The following MCTP2 variants were observed in gnomAD, a reference collection of about 807,000 sequenced individuals.
MCTP2 encodes multiple C2 and transmembrane domain containing 2.
Under a neutral mutation model 111.6 loss-of-function variants are expected in MCTP2, and 132 were observed. The ratio of observed to expected loss-of-function variants is 1.18; its 90% CI spans 1.03 to 1.37. The LOEUF (loss-of-function observed/expected upper bound fraction) is 1.37. Ranked by LOEUF, MCTP2 falls within the 40% of genes most tolerant of loss-of-function variation. The probability of loss-of-function intolerance (pLI) is 0.00; values close to 1 mark genes in which losing one functional copy is unlikely to be tolerated. For missense variants in MCTP2, 1,183 were observed against 1,067.9 expected (o/e 1.11, Z -1.50); for synonymous variants, 395 against 387.7 (o/e 1.02, Z -0.22).
chr15:94,419,117 A>G (rs1219710064), intron 17 of MCTP2, among the ~76,000 whole-genome samples: 1 of 152,162 alleles, frequency 6.6e-6, no homozygotes, highest in Non-Finnish European at 1.5e-5. Context: ...CGAGAAACAT[A>G]TAATCGAGAT....
intron 19 of MCTP2, among the ~76,000 whole-genome samples, chr15:94,452,670 T>A (rs1410991065): frequency 6.6e-6 from 1 of 152,218 alleles, no homozygotes; most frequent in African/African-American, 2.4e-5. Context: ...CCGGGTCTTA[T>A]CTGTTGATCC....
In MCTP2 at chr15:94,359,046, A is replaced by G. The variant is rs185011139; in HGVS notation, c.1301+434A>G. Among the ~76,000 whole-genome samples, 173 of 152,306 alleles carry G rather than the reference A, an allele frequency of 1.1e-3. 1 individual carries two copies. The highest frequency in any genetic ancestry group is 3.7e-3 in the African/African-American group (153 of 41,558). ...CACCAAGGAATGGAGTTTGAGGCCAAATCTATTTTATTTTATTTCTTTACT... is the reference window on the plus strand; with the variant it reads ...CACCAAGGAATGGAGTTTGAGGCCAGATCTATTTTATTTTATTTCTTTACT... On this transcript the variant is annotated intron_variant, in intron 10 of 22. Transcript: ENST00000357742.
At chr15:94,247,462 T>C in intron 1 of MCTP2, among the ~76,000 whole-genome samples, 1 of 152,134 alleles carries the variant, frequency 6.6e-6, no homozygotes, top group East Asian at 1.9e-4. Flanking sequence ...TGGTTGATAG[T>C]GTCTGAGATC....
At position 94,390,049 on chromosome 15, in the gene MCTP2, CATATATATATATATATATATATAT is replaced by C. The variant is rs1169783409; in HGVS notation, c.1788+4541_1788+4564del. On this transcript the variant is annotated intron_variant, in intron 14 of 22. Coordinates refer to ENST00000357742, the MANE Select transcript of MCTP2 (RefSeq NM_001385001.1). ...CATTATTGATGGTGAATGTTCAAGGCATATATATATATATATATATATATATATATATATATATATGTATATATA... is the reference window on the plus strand; with the variant it reads ...CATTATTGATGGTGAATGTTCAAGGCATATATATATATATATGTATATATA... Among the ~76,000 whole-genome samples the C allele has an allele frequency of 1.3e-3, 146 of 109,660 alleles. 3 individuals carry two copies. Among genetic ancestry groups the C allele is most frequent in the African/African-American group, 5.8e-3 (138 of 23,906 alleles). 71.9% of individuals were successfully genotyped at this position (109,660 alleles called of 152,430 possible).
chr15:94,247,564 C>T (rs2072105255), intron 1 of MCTP2, among the ~76,000 whole-genome samples: 1 of 151,874 alleles, frequency 6.6e-6, no homozygotes, highest in African/African-American at 2.4e-5. Context: ...AGGAGTGGGT[C>T]ATTTCATTAC....
chr15:94,438,850 G>T (rs2152508553), intron 17 of MCTP2, among the ~76,000 whole-genome samples: 1 of 152,154 alleles, frequency 6.6e-6, no homozygotes, highest in Admixed American at 6.5e-5. Flanking sequence ...TATCACTCTA[G>T]AAGTATTTTC....
At chr15:94,422,559 C>T (rs1001404746) in intron 17 of MCTP2, among the ~76,000 whole-genome samples, 26 of 152,138 alleles carry the variant, frequency 1.7e-4, no homozygotes, top group African/African-American at 6.3e-4. Flanking sequence ...CCCTTGCCCA[C>T]TTCCATAATT....
At position 94,314,360 on chromosome 15, in the gene MCTP2, TA is replaced by T. The variant is rs753520419; in HGVS notation, c.528+21del. On this transcript the variant is annotated intron_variant, in intron 3 of 22. Coordinates refer to ENST00000357742, the MANE Select transcript of MCTP2 (RefSeq NM_001385001.1). The stretch of plus-strand genomic sequence containing the variant: ...AGAACAATCTGTGAGTGGCATTCCT[TA>T]AAAAGAAACATTAAATGTTGTAGAT... 3.9e-5 allele frequency: 62 copies of T among 1,572,856 alleles called. No individual in the cohort carries two copies. The South Asian group carries it at 6.2e-4, about 16-fold the overall frequency.
At chr15:94,447,133 C>G (rs1227205125) in intron 19 of MCTP2, among the ~76,000 whole-genome samples, 1 of 152,166 alleles carries the variant, frequency 6.6e-6, no homozygotes, top group African/African-American at 2.4e-5. Context: ...CCTCATTACC[C>G]AGACAGGGCC....
intron 2 of MCTP2, among the ~76,000 whole-genome samples, chr15:94,299,367 T>C (rs981646532): frequency 2.0e-5 from 3 of 152,140 alleles, no homozygotes. Flanking sequence ...GTCATACCTG[T>C]AGAAAAACCA....
intron 11 of MCTP2, among the ~76,000 whole-genome samples, chr15:94,368,975 G>C (rs1255638806): frequency 2.0e-5 from 3 of 152,230 alleles, no homozygotes; most frequent in Non-Finnish European, 4.4e-5. Flanking sequence ...CAGCACATTA[G>C]AGGGAACGAA....
chr15:94,475,116 T>C (rs2074249458), intron 21 of MCTP2, among the ~76,000 whole-genome samples: 1 of 152,234 alleles, frequency 6.6e-6, no homozygotes, highest in Non-Finnish European at 1.5e-5. Context: ...CTTGTCTGTT[T>C]TCTTTTGCCA....
chr15:94,256,221 A>G (rs1441039036), intron 1 of MCTP2, among the ~76,000 whole-genome samples: 2 of 152,172 alleles, frequency 1.3e-5, no homozygotes, highest in African/African-American at 4.8e-5. Context: ...ATTGTATAAA[A>G]TTACCTTTAG....
chr15:94,258,151 C>T (rs369464946), intron 1 of MCTP2, among the ~76,000 whole-genome samples: 2 of 150,446 alleles, frequency 1.3e-5, no homozygotes, highest in African/African-American at 4.9e-5. Flanking sequence ...GCTGGGATTA[C>T]AGGTGTGAGC....
chr15:94,232,402 G>A (rs1478622706), intron 1 of MCTP2, among the ~76,000 whole-genome samples: 4 of 152,148 alleles, frequency 2.6e-5, no homozygotes, highest in African/African-American at 4.8e-5. Flanking sequence ...GAAGGTACAA[G>A]GGTGCGAACC....
chr15:94,243,158 T>C lies in MCTP2; in HGVS notation c.-66+11494T>C, dbSNP rs554753998. On this transcript the variant is annotated intron_variant, in intron 1 of 22. Coordinates refer to ENST00000357742, the MANE Select transcript of MCTP2 (RefSeq NM_001385001.1). ...GTGTGGATATATTTATATACGTGTG[T>C]GTATATACATACGTACGTATGTACG... Among the ~76,000 whole-genome samples, 89 of 147,958 alleles carry C rather than the reference T, an allele frequency of 6.0e-4. 3 individuals carry two copies. Among genetic ancestry groups the C allele is most frequent in the African/African-American group, 2.2e-3 (87 of 40,342 alleles).
intron 17 of MCTP2, among the ~76,000 whole-genome samples, chr15:94,435,629 C>CTT (rs202170550): frequency 9.3e-4 from 110 of 117,910 alleles, no homozygotes; most frequent in African/African-American, 1.6e-3. Flanking sequence ...TTTTTTTATT[C>CTT]TTTTTTTTTT....
chr15:94,300,708 A>C (rs550319309), intron 2 of MCTP2, among the ~76,000 whole-genome samples: 1 of 152,086 alleles, frequency 6.6e-6, no homozygotes, highest in East Asian at 1.9e-4. Flanking sequence ...CTGTTGTTGC[A>C]AAATGTTTCA....
At chr15:94,434,864 T>C (rs893337444) in intron 17 of MCTP2, among the ~76,000 whole-genome samples, 14 of 131,744 alleles carry the variant, frequency 1.1e-4, no homozygotes, top group Non-Finnish European at 2.1e-4. Context: ...TTTCTTTTTT[T>C]TTTTCTTTTT....
Sources: gnomAD v4.1 joint callset for allele counts (sites outside exome capture counted in the v4.1 genomes callset) on GRCh38, gnomAD v4.1.1 for gene constraint, MANE v1.5 for transcripts, NCBI Gene and HGNC (gene_info 2026-07-23, HGNC 2026-07-21) for gene names.